PTGDS: variants seen among roughly 807,000 people sequenced by gnomAD.
The protein encoded by PTGDS is prostaglandin D2 synthase, also known as prostaglandin-H2 D-isomerase.
Under a neutral mutation model 28.4 loss-of-function variants are expected in PTGDS, and 21 were observed. The ratio of observed to expected loss-of-function variants is 0.74; its 90% confidence interval spans 0.52 to 1.07. The LOEUF (loss-of-function observed/expected upper bound fraction) is 1.07. PTGDS is among the 50% of genes least tolerant of loss of function. PTGDS has a pLI of 0.00. For synonymous variants in PTGDS, 102 were observed against 106.0 expected (o/e 0.96, Z 0.23); for missense variants, 243 against 247.7 (o/e 0.98, Z 0.13).
In PTGDS at chr9:136,980,156, G is replaced by T. The variant is rs368219197; in HGVS notation, c.449-27G>T. 3.6e-5 allele frequency: 58 copies of T among 1,612,492 alleles called. No individual in the cohort carries two copies. The African/African-American group carries it at 6.8e-4, about 19-fold the overall frequency. On this transcript the variant is annotated intron_variant, in intron 4 of 6. Coordinates refer to ENST00000371625, the MANE Select transcript of PTGDS (RefSeq NM_000954.6). ...GGCACACAGCATCCCCCCCGCTGAG[G>T]CCAGCTCCGTCTCCACCCTGTCCCA...
At chr9:136,979,685 G>A (rs745869199) in intron 3 of PTGDS, 2 of 606,160 alleles carry the variant, frequency 3.3e-6, no homozygotes, top group South Asian at 2.0e-5. Context: ...CTTCACTTCC[G>A]GTTCTGGCAG....
chr9:136,980,128 C>A (rs1274124576), intron 4 of PTGDS, 55 bp from the exon 5 acceptor site: 8 of 1,607,546 alleles, frequency 5.0e-6, no homozygotes, highest in African/African-American at 2.7e-5. Context: ...AGACCCAGGG[C>A]AGGGCACACA....
chr9:136,980,540 C>G (rs888315022), intron 5 of PTGDS: 30 of 1,073,382 alleles, frequency 2.8e-5, no homozygotes, highest in Admixed American at 1.4e-4. Flanking sequence ...TGTGGGGCTT[C>G]AGCCTGGTGG....
intron 5 of PTGDS, 102 bp from the exon 6 acceptor site, chr9:136,980,731 A>C (rs1185395821): frequency 3.1e-6 from 5 of 1,613,124 alleles, no homozygotes; most frequent in Admixed American, 3.3e-5. Flanking sequence ...TTGGGGGCTC[A>C]GTCAAGACGA....
chr9:136,978,338 G>C (rs1181641965), intron 1 of PTGDS, among the ~76,000 whole-genome samples: 1 of 151,734 alleles, frequency 6.6e-6, no homozygotes, highest in Non-Finnish European at 1.5e-5. Flanking sequence ...AGGGGCCGAA[G>C]CTGGCTGGTG....
chr9:136,978,767 C>T (rs1467654930), intron 1 of PTGDS: 18 of 468,080 alleles, frequency 3.8e-5, no homozygotes, highest in South Asian at 2.5e-4. Context: ...GTGGTCAGCT[C>T]CTGGGGCGGA....
At chr9:136,978,703 TG>T (rs1444287875) in intron 1 of PTGDS, 1 of 227,404 alleles carries the variant, frequency 4.4e-6, no homozygotes, top group African/African-American at 8.4e-5. Context: ...GGTCAGCTCC[TG>T]GGGCGGGGAT....
rs1830433441 is a variant in PTGDS at position 136,980,243 on chromosome 9, A to G, written c.509A>G (p.Gln170Arg). The change falls in exon 5 of 7, where the codon CAG (glutamine) becomes CGG (arginine). Residue 170 changes from glutamine to arginine, a missense_variant. Gln to Arg is a conservative substitution (Grantham distance 43). Coordinates refer to ENST00000371625, the MANE Select transcript of PTGDS (RefSeq NM_000954.6). ...KEKFTAFCKA[Q>R]GFTEDTIVFL... ...AAATTCACCGCCTTCTGCAAGGCCC[A>G]GGGCTTCACAGAGGATACCATTGTC... 1 of 1,614,090 alleles carries G rather than the reference A, an allele frequency of 6.2e-7. No individual in the cohort carries two copies. The highest frequency in any genetic ancestry group is 8.5e-7 in the Non-Finnish European group (1 of 1,179,986).
At chr9:136,978,539 C>T (rs1185232572) in intron 1 of PTGDS, among the ~76,000 whole-genome samples, 4 of 32,894 alleles carry the variant, frequency 1.2e-4, no homozygotes, top group Non-Finnish European at 1.7e-4. Context: ...CGGGGCGGGG[C>T]GGGGGCCTGA....
At chr9:136,980,765 G>A (rs1830438764) in intron 5 of PTGDS, 68 bp from the exon 6 acceptor site, 1 of 1,613,952 alleles carries the variant, frequency 6.2e-7, no homozygotes, top group Non-Finnish European at 8.5e-7. Flanking sequence ...GGAGGAACAG[G>A]AAGCCCAGTG....
intron 3 of PTGDS, 115 bp downstream of exon 3, chr9:136,979,414 C>A: frequency 2.6e-6 from 4 of 1,563,370 alleles, no homozygotes; most frequent in Non-Finnish European, 3.5e-6. Flanking sequence ...GATGGCTGCC[C>A]CACCAGCGTC....
intron 1 of PTGDS, among the ~76,000 whole-genome samples, chr9:136,978,398 G>A (rs1455997926): frequency 6.7e-6 from 1 of 149,508 alleles, no homozygotes; most frequent in African/African-American, 2.5e-5. Flanking sequence ...GTGGCCAGAC[G>A]GGGGTGCTGG....
chr9:136,979,891 A>C (rs1234470533), intron 3 of PTGDS, 55 bp from the exon 4 acceptor site: 1 of 1,510,300 alleles, frequency 6.6e-7, no homozygotes, highest in Non-Finnish European at 9.2e-7. Context: ...TCCCTGAAGC[A>C]GAGGTGAGGT....
intron 1 of PTGDS, 61 bp from the exon 2 acceptor site, chr9:136,978,932 A>C: frequency 1.9e-6 from 3 of 1,583,812 alleles, no homozygotes; most frequent in Non-Finnish European, 2.6e-6. Context: ...GCGCCCCCGC[A>C]GGTAGGCGCA....
chr9:136,978,051 G>A (rs760192485), intron 1 of PTGDS, among the ~76,000 whole-genome samples: 2 of 152,204 alleles, frequency 1.3e-5, no homozygotes, highest in Non-Finnish European at 2.9e-5. Flanking sequence ...TGGGGCACAG[G>A]GATGGCGACA....
intron 1 of PTGDS, 74 bp from the exon 2 acceptor site, chr9:136,978,919 G>GAGGCGCCCCCGCAGGT: frequency 6.4e-7 from 1 of 1,569,478 alleles, no homozygotes; most frequent in Admixed American, 1.8e-5. Flanking sequence ...GTAGACGGCA[G>GAGGCGCCCCCGCAGGT]AGGCGCCCCC....
chr9:136,977,896 G>A (rs1394709089), intron 1 of PTGDS, among the ~76,000 whole-genome samples: 1 of 152,084 alleles, frequency 6.6e-6, no homozygotes, highest in Non-Finnish European at 1.5e-5. Flanking sequence ...CCTGGGCACC[G>A]CGTCCCGTCT....
intron 3 of PTGDS, 48 bp downstream of exon 3, chr9:136,979,347 C>G: frequency 6.3e-7 from 1 of 1,588,604 alleles, no homozygotes; most frequent in Non-Finnish European, 8.6e-7. Context: ...GGGGGCGACA[C>G]TTGCCGGGAC....
rs757847965 is a variant in PTGDS at position 136,980,073 on chromosome 9, C to T, written c.448+11C>T. On this transcript the variant is annotated intron_variant, in intron 4 of 6. Transcript: ENST00000371625. Reference sequence around the variant, plus strand: ...TGGCCACCCTCTACAGTACGTGCCCCGTGGACGCCGCCCACACGCAGGCCT... The same window carrying T: ...TGGCCACCCTCTACAGTACGTGCCCTGTGGACGCCGCCCACACGCAGGCCT... 1.2e-5 allele frequency: 19 copies of T among 1,608,696 alleles called. No individual in the cohort carries two copies. The highest frequency in any genetic ancestry group is 3.3e-5 in the Admixed American group (2 of 59,766).
Sources: allele counts gnomAD v4.1 joint callset (sites outside exome capture counted in the v4.1 genomes callset), GRCh38; gene constraint gnomAD v4.1.1; transcripts MANE v1.5; gene names NCBI Gene and HGNC (gene_info 2026-07-23, HGNC 2026-07-21).